The following RNF213 variants were observed in gnomAD, a reference collection of about 807,000 sequenced individuals.
RNF213 encodes ring finger protein 213, also known as E3 ubiquitin-protein ligase RNF213.
RNF213 carries 341 observed loss-of-function variants against 514.4 expected under a neutral mutation model. The ratio of observed to expected loss-of-function variants is 0.66; its 90% CI spans 0.61 to 0.73. The LOEUF (loss-of-function observed/expected upper bound fraction) is 0.73. RNF213 is among the 30% of genes least tolerant of loss of function. RNF213 has a pLI of 0.00. For missense variants in RNF213, 5,767 were observed against 6,615.6 expected, an observed-to-expected ratio of 0.87 and a Z score of 4.45; for synonymous variants, 2,655 against 2,658.2, an observed-to-expected ratio of 1.00 and a Z score of 0.04.
At chr17:80,289,296 A>G (rs987987137) in intron 5 of RNF213, among the ~76,000 whole-genome samples, 4 of 152,152 alleles carry the variant, frequency 2.6e-5, no homozygotes, top group Non-Finnish European at 5.9e-5. Context: ...GTAGGGGTCA[A>G]TGTGGAGGCT....
chr17:80,363,528 A>T (rs1486378577), intron 40 of RNF213, 81 bp from the exon 41 acceptor site: 1 of 1,487,984 alleles, frequency 6.7e-7, no homozygotes. Flanking sequence ...ACACAAGTAT[A>T]CATGCAGCTA....
Position 80,396,495 on chromosome 17 carries a change from C to CTA in RNF213, c.*2998_*2999dup, listed in dbSNP as rs1407212292. On this transcript the variant is annotated 3_prime_UTR_variant, in exon 68 of 68. Transcript: ENST00000582970. Reference sequence around the variant, plus strand: ...CCAAGTCTAGCCATGCACACAGGCACTAGTGTGCTGAAGGAAAACACCTCT... The same window carrying CTA: ...CCAAGTCTAGCCATGCACACAGGCACTATAGTGTGCTGAAGGAAAACACCTCT... 6.6e-6 allele frequency: 1 copy of CTA among 152,152 alleles called. No homozygotes were observed. Among genetic ancestry groups the CTA allele is most frequent in the African/African-American group, 2.4e-5 (1 of 41,430 alleles). The allele number at this position is 152,152 out of a possible 1,614,324, so 9.4% of individuals were successfully genotyped here.
intron 56 of RNF213, 160 bp downstream of exon 56, chr17:80,381,147 T>C: frequency 2.5e-6 from 2 of 796,486 alleles, no homozygotes; most frequent in Non-Finnish European, 2.1e-6. Context: ...TGTTTCCCCC[T>C]GTGGCGTATG....
rs1010009229 is a variant in RNF213, at chr17:80,336,148, T to C, written c.4310-13T>C. The stretch of plus-strand genomic sequence containing the variant: ...AATAGTCCCACGCTGAACTCCCCTC[T>C]TCTCTTCCCCAGGCATCAATGAGCT... On this transcript the variant is annotated splice_polypyrimidine_tract_variant and intron_variant, in intron 22 of 67. Transcript: ENST00000582970. 6 of 1,535,958 alleles carry C rather than the reference T, an allele frequency of 3.9e-6. No individual in the cohort carries two copies. Among genetic ancestry groups the C allele is most frequent in the Non-Finnish European group, 5.2e-6 (6 of 1,145,802 alleles).
Position 80,288,282 on chromosome 17 carries a change from G to C in RNF213, c.729G>C (p.Leu243Phe). ...AAGATGCTGCCCAGGAGCTCCTGTT[G>C]CCTGAGTCAAAAGGAGGCAGCTCTG... is the stretch of plus-strand genomic sequence containing the variant. The part of the protein sequence containing the change: ...RTEDAAQELL[L>F]PESKGGSSEP... The change falls in exon 4 of 68, where the codon TTG becomes TTC. Residue 243 changes from leucine (L) to phenylalanine (F), a missense_variant. Around this residue, in one of 13 missense-constraint regions of RNF213, gnomAD observed 509 missense variants for 496.7 expected, o/e 1.02. Coordinates refer to ENST00000582970, the MANE Select transcript of RNF213 (RefSeq NM_001256071.3). The surrounding 1 kb of genome is among the most constrained non-coding windows in gnomAD (Gnocchi z 4.9). 1 of 1,613,188 alleles carries C rather than the reference G, an allele frequency of 6.2e-7. No individual in the cohort carries two copies. The highest frequency in any genetic ancestry group is 1.1e-5 in the South Asian group (1 of 91,084).
At chr17:80,371,020 TA>T (rs984435123) in intron 46 of RNF213, among the ~76,000 whole-genome samples, 3 of 143,462 alleles carry the variant, frequency 2.1e-5, no homozygotes, top group Non-Finnish European at 4.7e-5. Flanking sequence ...TTTTTTTTTT[TA>T]AAACGTAGAA....
intron 11 of RNF213, among the ~76,000 whole-genome samples, chr17:80,300,967 C>A (rs951592840): frequency 3.3e-5 from 5 of 152,086 alleles, no homozygotes; most frequent in African/African-American, 1.2e-4. Context: ...TGTCCTTTGC[C>A]CACTTTTTAA....
chr17:80,338,605 G>A (rs949848710), intron 25 of RNF213, among the ~76,000 whole-genome samples: 41 of 149,590 alleles, frequency 2.7e-4, no homozygotes, highest in Non-Finnish European at 5.3e-4. Flanking sequence ...GCAACATAGC[G>A]AGACCCTGTC....
chr17:80,384,826 T>A, intron 59 of RNF213: 1 of 612,420 alleles, frequency 1.6e-6, no homozygotes, highest in Admixed American at 2.4e-5. Flanking sequence ...CTGGGCTCCC[T>A]CTTCGCCGCC....
intron 15 of RNF213, among the ~76,000 whole-genome samples, chr17:80,314,949 G>C (rs1324130749): frequency 1.4e-4 from 1 of 7,020 alleles, no homozygotes; most frequent in Admixed American, 1.2e-3. Context: ...GGAGGTACTG[G>C]AGGTGATGGT....
chr17:80,313,803 GAGGTAATGGAGGTGA>G, intron 15 of RNF213, among the ~76,000 whole-genome samples: 1 of 137,374 alleles, frequency 7.3e-6, no homozygotes, highest in Non-Finnish European at 1.6e-5. Context: ...GGTGATGGTG[GAGGTAATGGAGGTGA>G]TGGTGGTGGT....
At chr17:80,369,441 A>C (rs944152092) in intron 44 of RNF213, 61 bp from the exon 45 acceptor site, 11 of 1,457,356 alleles carry the variant, frequency 7.5e-6, no homozygotes, top group Non-Finnish European at 9.6e-6. Context: ...ATCTCAAGTC[A>C]TTCTGTAAGG....
chr17:80,374,433 C>T, intron 49 of RNF213, 25 bp from the exon 50 acceptor site: 1 of 1,613,854 alleles, frequency 6.2e-7, no homozygotes, highest in Non-Finnish European at 8.5e-7. Flanking sequence ...CCATTGTTCA[C>T]CCCCAACTAA....
intron 3 of RNF213, among the ~76,000 whole-genome samples, chr17:80,284,719 C>G (rs2044412451): frequency 1.3e-5 from 2 of 149,570 alleles, no homozygotes; most frequent in Non-Finnish European, 3.0e-5. Flanking sequence ...ACGGCTCCCC[C>G]ACTGAGCCTC....
At position 80,289,791 on chromosome 17, in the gene RNF213, A is replaced by G. The variant is rs1255149597; in HGVS notation, c.1066A>G (p.Lys356Glu). The change falls in exon 6 of 68, where the codon AAG (lysine) becomes GAG (glutamate). Residue 356 changes from lysine to glutamate, a missense_variant. Around this residue, in one of 13 missense-constraint regions of RNF213, gnomAD observed 509 missense variants for 496.7 expected, o/e 1.02. Coordinates refer to ENST00000582970, the MANE Select transcript of RNF213 (RefSeq NM_001256071.3). Reference protein sequence around the residue: ...NRSAAAVKNEKEQKNQEADVQ... With the variant: ...NRSAAAVKNEEEQKNQEADVQ... ...AAGTGCAGCTGCTGTGAAAAACGAG[A>G]AGGAGCAAAAAAACCAGGAAGCAGA... is the stretch of plus-strand genomic sequence containing the variant. 3 of 1,613,210 alleles carry G rather than the reference A, an allele frequency of 1.9e-6. No individual in the cohort carries two copies. The highest frequency in any genetic ancestry group is 1.1e-5 in the South Asian group (1 of 91,010).
At position 80,294,802 on chromosome 17, in the gene RNF213, G is replaced by A. The variant is rs369734517; in HGVS notation, c.1554G>A (p.Pro518=). The A allele has an allele frequency of 5.3e-5, 86 of 1,614,034 alleles. No individual in the cohort carries two copies. The highest frequency in any genetic ancestry group is 6.4e-5 in the Non-Finnish European group (75 of 1,180,032). ...TCATGAACCACATCACAGACGGGCCGAGGAAGGACCTGGTGAAGGGGAAGC... is the reference window on the plus strand; with the variant it reads ...TCATGAACCACATCACAGACGGGCCAAGGAAGGACCTGGTGAAGGGGAAGC... ...QKVMNHITDG[P]RKDLVKGKQI... The change falls in exon 9 of 68, where the codon CCG becomes CCA. Residue 518 remains proline, a synonymous_variant. Transcript: ENST00000582970.
At position 80,298,247 on chromosome 17, in the gene RNF213, T is replaced by C. The variant is rs540593268; in HGVS notation, c.2013-74T>C. On this transcript the variant is annotated intron_variant, in intron 10 of 67. Coordinates refer to ENST00000582970, the MANE Select transcript of RNF213 (RefSeq NM_001256071.3). ...CTGTGTGCACGGTGCTTGCTTCCTG[T>C]TGGGACTCCAGACTCCCAGGGAGAT... 28 of 1,487,690 alleles carry C rather than the reference T, an allele frequency of 1.9e-5. No individual in the cohort carries two copies. In the South Asian group the frequency reaches 2.3e-4, roughly 12 times the overall value. 92.2% of individuals were successfully genotyped at this position (1,487,690 alleles called of 1,614,324 possible).
At chr17:80,314,070 ATGG>A (rs1340836799) in intron 15 of RNF213, among the ~76,000 whole-genome samples, 8 of 43,790 alleles carry the variant, frequency 1.8e-4, no homozygotes, top group African/African-American at 1.1e-3. Context: ...AATGGAGGTG[ATGG>A]TGGTGGTGGA....
At chr17:80,344,094 T>A in intron 28 of RNF213, 79 bp downstream of exon 28, 1 of 1,457,538 alleles carries the variant, frequency 6.9e-7, no homozygotes. Flanking sequence ...GAATGGCGCG[T>A]TTAGGAGACT....
Sources: gnomAD v4.1 joint callset for allele counts (sites outside exome capture counted in the v4.1 genomes callset) on GRCh38, gnomAD v4.1.1 for gene constraint, gnomAD v4.1.1 regional missense constraint, Gnocchi (gnomAD v3.1) non-coding constraint, MANE v1.5 for transcripts, NCBI Gene and HGNC (gene_info 2026-07-23, HGNC 2026-07-21) for gene names.